Variants in MLH3 observed in about 807,000 individuals in gnomAD.
The protein encoded by MLH3 is DNA mismatch repair protein Mlh3.
A neutral mutation model predicts 122.2 loss-of-function variants in MLH3; 82 were observed. That is an observed-to-expected ratio of 0.67 (90% CI 0.56 to 0.81). MLH3 has a LOEUF of 0.81. Ranked by LOEUF, MLH3 falls within the 30% of genes least tolerant of loss-of-function variation. The probability of loss-of-function intolerance (pLI) is 0.00; values close to 1 mark genes in which losing one functional copy is unlikely to be tolerated. For synonymous variants in MLH3, 524 were observed against 599.5 expected, an observed-to-expected ratio of 0.87 and a Z score of 1.84; for missense variants, 1,539 against 1,714.5, an observed-to-expected ratio of 0.90 and a Z score of 1.81.
intron 2 of MLH3, among the ~76,000 whole-genome samples, chr14:75,042,696 A>T (rs1891941463): frequency 6.6e-6 from 1 of 152,136 alleles, no homozygotes; most frequent in Non-Finnish European, 1.5e-5. Flanking sequence ...CATACCAGAC[A>T]GAATGAAGAC....
intron 9 of MLH3, among the ~76,000 whole-genome samples, chr14:75,025,670 A>AAT (rs764674399): frequency 1.1e-4 from 17 of 152,162 alleles, no homozygotes; most frequent in East Asian, 9.6e-4. Flanking sequence ...TGATACTATC[A>AAT]ATATATATAT....
chr14:75,029,059 A>G (rs1434469109), intron 9 of MLH3, among the ~76,000 whole-genome samples: 2 of 147,186 alleles, frequency 1.4e-5, no homozygotes, highest in Non-Finnish European at 3.0e-5. Flanking sequence ...CTGAGGTAGG[A>G]GAATCGCTTT....
chr14:75,046,382 C>T lies in MLH3; in HGVS notation c.3274G>A (p.Glu1092Lys), dbSNP rs374277639. ...LTTVAVDVVL[E>K]NGSQYRCQPF... ...ATGAATACTACGTACTTACCATTCT[C>T]AAGTACAACATCCACAGCCACAGTT... The change falls in exon 2 of 13, where the codon GAG (glutamate) becomes AAG (lysine). Residue 1092 changes from glutamate to lysine, a missense_variant. Physicochemically the swap from Glu to Lys is moderately conservative, Grantham distance 56. Coordinates refer to ENST00000355774, the MANE Select transcript of MLH3 (RefSeq NM_001040108.2). 9.3e-6 allele frequency: 15 copies of T among 1,614,008 alleles called. No individual in the cohort carries two copies. Among genetic ancestry groups the T allele is most frequent in the Middle Eastern group, 1.6e-4 (1 of 6,084 alleles).
chr14:75,041,236 A>C (rs1204097504), intron 4 of MLH3, among the ~76,000 whole-genome samples: 4 of 152,040 alleles, frequency 2.6e-5, no homozygotes, highest in African/African-American at 7.2e-5. Flanking sequence ...ACCCATCTTG[A>C]AACTCAAAGT....
chr14:75,027,688 A>AAAAC (rs1555341361), intron 9 of MLH3, among the ~76,000 whole-genome samples: 68 of 134,568 alleles, frequency 5.1e-4, no homozygotes, highest in Non-Finnish European at 8.7e-4. Flanking sequence ...AAAAAAAAAA[A>AAAAC]AAAAAACCCA....
At chr14:75,039,845 C>CAATATATATATA (rs1566594267) in intron 5 of MLH3, 66 bp downstream of exon 5, 1 of 316,432 alleles carries the variant, frequency 3.2e-6, no homozygotes, top group African/African-American at 6.3e-5. Flanking sequence ...AAGAGTTAGG[C>CAATATATATATA]CATATATATA....
At chr14:75,035,829 G>A (rs1891366176) in intron 6 of MLH3, among the ~76,000 whole-genome samples, 1 of 151,648 alleles carries the variant, frequency 6.6e-6, no homozygotes, top group East Asian at 1.9e-4. Context: ...CCTTGCAAAT[G>A]TGCTCAAGTT....
intron 11 of MLH3, chr14:75,020,911 C>CT (rs1555387126): frequency 6.6e-6 from 1 of 152,002 alleles, no homozygotes; most frequent in Non-Finnish European, 1.5e-5. Flanking sequence ...GAGTCTCACT[C>CT]TGTCACCCAG....
chr14:75,036,714 A>C, intron 6 of MLH3: 1 of 456,128 alleles, frequency 2.2e-6, no homozygotes, highest in South Asian at 1.5e-5. Flanking sequence ...TCTGCCTGCA[A>C]CACGGGTCCT....
In MLH3 at chr14:75,040,449, C is replaced by CAAAAAAAAAAAAAAAAAAAAAAAAAAAAA. The variant is rs36233766; in HGVS notation, c.3466-463_3466-435dup. 1.1e-4 allele frequency among the ~76,000 whole-genome samples: 4 copies of CAAAAAAAAAAAAAAAAAAAAAAAAAAAAA among 35,590 alleles called. 1 individual carries two copies. Among genetic ancestry groups the CAAAAAAAAAAAAAAAAAAAAAAAAAAAAA allele is most frequent in the Admixed American group, 1.1e-3 (2 of 1,830 alleles). The allele number at this position is 35,590 out of a possible 152,430, so 23.3% of individuals were successfully genotyped here. ...TGGGCGACACAGCAAGACTCTGTCA[C>CAAAAAAAAAAAAAAAAAAAAAAAAAAAAA]AAAAAAAAAAAAAAAAAAAAAAAAA... On this transcript the variant is annotated intron_variant, in intron 4 of 12. Coordinates refer to ENST00000355774, the MANE Select transcript of MLH3 (RefSeq NM_001040108.2).
At chr14:75,019,259 A>T in intron 11 of MLH3, 1 of 374,284 alleles carries the variant, frequency 2.7e-6, no homozygotes, top group Non-Finnish European at 5.1e-6. Context: ...AAAATACAAA[A>T]ATTAGCCGGG....
intron 6 of MLH3, chr14:75,036,870 G>T: frequency 2.3e-6 from 1 of 425,620 alleles, no homozygotes; most frequent in South Asian, 1.7e-5. Flanking sequence ...AGTCCACCCT[G>T]GTCCCATCTA....
rs138141680 is a variant in MLH3 at position 75,046,179 on chromosome 14, C to CA, written c.3280+196dup. The stretch of plus-strand genomic sequence containing the variant: ...TGGGTGACAGAGCAAGACTCCGTCT[C>CA]AAAAAAAAAAAAAAAAAAAAGTAGT... On this transcript the variant is annotated intron_variant, in intron 2 of 12. Transcript: ENST00000355774. Among the ~76,000 whole-genome samples the CA allele has an allele frequency of 0.012, 635 of 53,350 alleles. 7 individuals are homozygous for CA. In the East Asian group the frequency reaches 0.14, roughly 11 times the overall value. The allele number at this position is 53,350 out of a possible 152,430, so 35.0% of individuals were successfully genotyped here. A position where few individuals can be genotyped will look rare whatever the true frequency, so the allele number is the denominator to read the frequency against.
Position 75,016,982 on chromosome 14 carries a change from T to C in MLH3, c.*100A>G. ...TCTAAGCTGCTCAGGGACACTGGGCTGATTCAGTCAGGGCCGTGCTGGTAC... is the reference window on the plus strand; with the variant it reads ...TCTAAGCTGCTCAGGGACACTGGGCCGATTCAGTCAGGGCCGTGCTGGTAC... On this transcript the variant is annotated 3_prime_UTR_variant, in exon 13 of 13. Transcript: ENST00000355774. 7.0e-7 allele frequency: 1 copy of C among 1,428,196 alleles called. No individual in the cohort carries two copies. Among genetic ancestry groups the C allele is most frequent in the Non-Finnish European group, 9.8e-7 (1 of 1,017,064 alleles). The allele number at this position is 1,428,196 out of a possible 1,614,324, so 88.5% of individuals were successfully genotyped here.
intron 6 of MLH3, among the ~76,000 whole-genome samples, chr14:75,036,140 G>C (rs149374335): frequency 1.6e-3 from 239 of 152,086 alleles, no homozygotes; most frequent in African/African-American, 5.6e-3. Context: ...AGTCTCTTTT[G>C]CTGGTTCATC....
intron 12 of MLH3, among the ~76,000 whole-genome samples, chr14:75,017,441 T>A (rs1038816828): frequency 2.6e-5 from 4 of 151,884 alleles, no homozygotes; most frequent in Non-Finnish European, 5.9e-5. Context: ...CTCAGGAGGC[T>A]GAGGCAGGAG....
chr14:75,043,347 G>A (rs1304492127), intron 2 of MLH3, among the ~76,000 whole-genome samples: 1 of 152,158 alleles, frequency 6.6e-6, no homozygotes, highest in Non-Finnish European at 1.5e-5. Context: ...ATTATATTTA[G>A]ATAGCTATCT....
chr14:75,018,708 G>T, intron 12 of MLH3, 121 bp downstream of exon 12: 1 of 1,142,270 alleles, frequency 8.8e-7, no homozygotes, highest in Non-Finnish European at 1.3e-6. Context: ...TTCCAGTGCA[G>T]ATTTTGCAAA....
chr14:75,026,448 A>G (rs767536656), intron 9 of MLH3, among the ~76,000 whole-genome samples: 16 of 152,232 alleles, frequency 1.1e-4, no homozygotes, highest in Non-Finnish European at 2.4e-4. Context: ...TCACTGGAAG[A>G]TAAGTGAGGA....
Sources: allele counts gnomAD v4.1 joint callset (sites outside exome capture counted in the v4.1 genomes callset), GRCh38; gene constraint gnomAD v4.1.1; transcripts MANE v1.5; gene names NCBI Gene and HGNC (gene_info 2026-07-23, HGNC 2026-07-21).